The following SP140L variants were observed in gnomAD, a reference collection of about 807,000 sequenced individuals.
The protein encoded by SP140L is nuclear body protein SP140-like protein.
SP140L carries 64 observed loss-of-function variants against 84.3 expected under a neutral mutation model. That is an observed-to-expected ratio of 0.76 (90% CI 0.62 to 0.94). The LOEUF (loss-of-function observed/expected upper bound fraction) is 0.94. Among genes scored for constraint, SP140L ranks in the 40% least tolerant of loss-of-function variants. The probability of loss-of-function intolerance (pLI) is 0.00; values close to 1 mark genes in which losing one functional copy is unlikely to be tolerated. For missense variants in SP140L, 628 were observed against 692.5 expected (o/e 0.91, Z 1.05); for synonymous variants, 242 against 236.9 (o/e 1.02, Z -0.20).
intron 13 of SP140L, among the ~76,000 whole-genome samples, chr2:230,395,060 G>A (rs111537080): frequency 1.6e-5 from 2 of 123,060 alleles, no homozygotes; most frequent in African/African-American, 5.6e-5. Context: ...TCTCAGCCTC[G>A]CAGGTTCAAG....
intron 2 of SP140L, among the ~76,000 whole-genome samples, chr2:230,346,694 G>A (rs923962777): frequency 6.6e-6 from 1 of 152,040 alleles, no homozygotes; most frequent in Non-Finnish European, 1.5e-5. Context: ...GTTCAGTTCA[G>A]TCATTGTATT....
intron 11 of SP140L, among the ~76,000 whole-genome samples, chr2:230,390,427 C>T (rs1333165044): frequency 1.3e-5 from 2 of 152,150 alleles, no homozygotes; most frequent in Non-Finnish European, 2.9e-5. Context: ...CATTAGGAAG[C>T]CTGAGTTCCA....
chr2:230,328,877 T>G (rs754058346), intron 2 of SP140L, 46 bp downstream of exon 2: 2 of 1,581,368 alleles, frequency 1.3e-6, no homozygotes, highest in South Asian at 2.3e-5. Context: ...TTCCTGATAA[T>G]GTGGAAAGCT....
At chr2:230,370,045 T>C (rs925329579) in intron 5 of SP140L, among the ~76,000 whole-genome samples, 3 of 152,202 alleles carry the variant, frequency 2.0e-5, no homozygotes, top group Non-Finnish European at 4.4e-5. Context: ...GTGCTGGGAT[T>C]ACAGGCATGA....
chr2:230,335,494 G>A (rs1183413447), intron 2 of SP140L, among the ~76,000 whole-genome samples: 2 of 152,218 alleles, frequency 1.3e-5, no homozygotes, highest in Admixed American at 1.3e-4. Flanking sequence ...AGTGGAACGA[G>A]TTGGGGAAGT....
intron 2 of SP140L, among the ~76,000 whole-genome samples, chr2:230,337,366 T>C (rs1277006717): frequency 4.6e-5 from 7 of 152,320 alleles, no homozygotes; most frequent in African/African-American, 1.4e-4. Flanking sequence ...GTAAATTTGT[T>C]TAAGTTCATT....
In SP140L at chr2:230,350,186, C is replaced by T. The variant is rs572594271; in HGVS notation, c.108-7619C>T. 7.2e-5 allele frequency among the ~76,000 whole-genome samples: 11 copies of T among 152,242 alleles called. No homozygotes were observed. In the South Asian group the frequency reaches 2.3e-3, roughly 32 times the overall value. ...ACACCTGGGGTGTAGTCGTTTCATG[C>T]CTTCCCTATTATTTATTCTGAATTT... On this transcript the variant is annotated intron_variant, in intron 2 of 18. Coordinates refer to ENST00000415673, the MANE Select transcript of SP140L (RefSeq NM_138402.6).
chr2:230,386,527 G>A (rs180913001), intron 9 of SP140L, among the ~76,000 whole-genome samples: 1 of 152,248 alleles, frequency 6.6e-6, no homozygotes, highest in East Asian at 1.9e-4. Flanking sequence ...TAAGGTTTAT[G>A]TTAGGGTTTC....
chr2:230,387,388 C>A (rs2061628906), intron 9 of SP140L, among the ~76,000 whole-genome samples: 1 of 152,116 alleles, frequency 6.6e-6, no homozygotes, highest in African/African-American at 2.4e-5. Flanking sequence ...AATATTGGTT[C>A]CTTGGGCCAT....
At chr2:230,356,146 A>G (rs1259136026) in intron 2 of SP140L, among the ~76,000 whole-genome samples, 3 of 152,200 alleles carry the variant, frequency 2.0e-5, no homozygotes, top group Non-Finnish European at 4.4e-5. Context: ...TGGAATGGCT[A>G]AAACTAGAAA....
chr2:230,344,197 G>C (rs186079865), intron 2 of SP140L, among the ~76,000 whole-genome samples: 1 of 152,206 alleles, frequency 6.6e-6, no homozygotes, highest in East Asian at 1.9e-4. Flanking sequence ...TATGAATCTG[G>C]GTGCTCCTGT....
chr2:230,388,624 C>T lies in SP140L; in HGVS notation c.850C>T (p.Arg284Ter), dbSNP rs776087768. The T allele has an allele frequency of 2.0e-5, 32 of 1,606,402 alleles. No individual in the cohort carries two copies. Among genetic ancestry groups the T allele is most frequent in the African/African-American group, 2.7e-5 (2 of 74,546 alleles). Reference protein sequence around the residue: ...QSDRAPQKRVRSRASRKHKDE... With the variant: ...QSDRAPQKRV ...TGACAGAGCTCCACAGAAAAGAGTCCGATCAAGAGGTAAAAAAGAAAAGAG... is the reference window on the plus strand; with the variant it reads ...TGACAGAGCTCCACAGAAAAGAGTCTGATCAAGAGGTAAAAAAGAAAAGAG... Residue 284 changes from arginine to a stop codon, truncating the protein, a stop_gained, in exon 10 of 19, where the codon CGA (arginine) becomes TGA (stop). Coordinates refer to ENST00000415673, the MANE Select transcript of SP140L (RefSeq NM_138402.6). LOFTEE classifies it high-confidence loss of function.
At chr2:230,360,293 T>C (rs991115635) in intron 4 of SP140L, among the ~76,000 whole-genome samples, 2 of 152,112 alleles carry the variant, frequency 1.3e-5, no homozygotes, top group African/African-American at 4.8e-5. Flanking sequence ...GAGAGATCAA[T>C]TGGAGGAAGA....
intron 5 of SP140L, among the ~76,000 whole-genome samples, chr2:230,366,364 A>G (rs552000412): frequency 1.3e-5 from 2 of 152,128 alleles, no homozygotes; most frequent in African/African-American, 2.4e-5. Flanking sequence ...CTGCTTCATC[A>G]TTATATAATG....
chr2:230,393,221 G>T (rs2061899775), intron 12 of SP140L, among the ~76,000 whole-genome samples, 193 bp from the exon 13 acceptor site: 1 of 152,164 alleles, frequency 6.6e-6, no homozygotes, highest in South Asian at 2.1e-4. Flanking sequence ...TCCTGAAAAT[G>T]ATTTTCTGGC....
intron 5 of SP140L, among the ~76,000 whole-genome samples, chr2:230,367,504 G>A (rs1471463202): frequency 6.6e-6 from 1 of 152,026 alleles, no homozygotes; most frequent in Non-Finnish European, 1.5e-5. Flanking sequence ...GTGTTGACCA[G>A]AGTGGTCTTG....
intron 14 of SP140L, 57 bp from the exon 15 acceptor site, chr2:230,400,070 G>A (rs1357085817): frequency 1.9e-6 from 3 of 1,586,778 alleles, no homozygotes; most frequent in South Asian, 1.1e-5. Flanking sequence ...TGCCCAGAGG[G>A]GTGGCCTTCC....
intron 2 of SP140L, among the ~76,000 whole-genome samples, chr2:230,355,861 C>A (rs1240769604): frequency 6.6e-6 from 1 of 151,816 alleles, no homozygotes; most frequent in Non-Finnish European, 1.5e-5. Flanking sequence ...TATCAAAAGA[C>A]ATAATTAAGA....
chr2:230,395,588 GAAA>G (rs991287503), intron 13 of SP140L, among the ~76,000 whole-genome samples: 1 of 150,990 alleles, frequency 6.6e-6, no homozygotes, highest in Non-Finnish European at 1.5e-5. Flanking sequence ...TCAAAAAAAA[GAAA>G]AAAAAATTGT....
Sources: gnomAD v4.1 joint callset for allele counts (sites outside exome capture counted in the v4.1 genomes callset) on GRCh38, gnomAD v4.1.1 for gene constraint, MANE v1.5 for transcripts, NCBI Gene and HGNC (gene_info 2026-07-23, HGNC 2026-07-21) for gene names.